AGO3: variants seen among roughly 807,000 people sequenced by gnomAD.
AGO3 encodes the protein argonaute RISC catalytic component 3.
AGO3 carries 16 observed loss-of-function variants against 105.5 expected under a neutral mutation model. The ratio of observed to expected loss-of-function variants is 0.15; its 90% CI spans 0.10 to 0.23. The LOEUF (loss-of-function observed/expected upper bound fraction) is 0.23, where lower values mean the gene tolerates loss of function less well. Ranked by LOEUF, AGO3 falls within the 10% of genes least tolerant of loss-of-function variation. The pLI is 1.00. For missense variants in AGO3, 534 were observed against 1,088.0 expected, an observed-to-expected ratio of 0.49 and a Z score of 7.16; for synonymous variants, 340 against 367.3, an observed-to-expected ratio of 0.93 and a Z score of 0.85.
chr1:35,989,860 C>CCTTT (rs1647450684), intron 5 of AGO3, among the ~76,000 whole-genome samples: 1 of 151,722 alleles, frequency 6.6e-6, no homozygotes, highest in African/African-American at 2.4e-5. Flanking sequence ...GGTGACAGAA[C>CCTTT]AAGACCCTGT....
chr1:36,040,420 T>C lies in AGO3; in HGVS notation c.2151T>C (p.Phe717=), dbSNP rs1431771268. Residue 717 remains phenylalanine (F), a synonymous_variant, in exon 16 of 19, where the codon TTT becomes TTC. Coordinates refer to ENST00000373191, the MANE Select transcript of AGO3 (RefSeq NM_024852.4). ...VVQKRHHTRL[F]CADRTERVGR... is the part of the protein sequence containing the mutation. Reference sequence around the variant, plus strand: ...AGAAGAGACATCACACTCGATTATTTTGTGCTGATAGGACAGAAAGGGTAA... The same window carrying C: ...AGAAGAGACATCACACTCGATTATTCTGTGCTGATAGGACAGAAAGGGTAA... 6.2e-7 allele frequency: 1 copy of C among 1,614,010 alleles called. No individual in the cohort carries two copies. Among genetic ancestry groups the C allele is most frequent in the Admixed American group, 1.7e-5 (1 of 60,018 alleles).
At chr1:35,988,573 C>T (rs373091454) in intron 5 of AGO3, among the ~76,000 whole-genome samples, 2 of 151,666 alleles carry the variant, frequency 1.3e-5, no homozygotes, top group East Asian at 3.9e-4. Flanking sequence ...ACATAATATC[C>T]TCCAGGTTCA....
At chr1:35,960,439 C>T (rs1571434395) in intron 2 of AGO3, among the ~76,000 whole-genome samples, 1 of 151,986 alleles carries the variant, frequency 6.6e-6, no homozygotes, top group Non-Finnish European at 1.5e-5. Flanking sequence ...GTGATCACAT[C>T]ACTGCACTCA....
At chr1:35,957,804 GC>G (rs1417644746) in intron 2 of AGO3, among the ~76,000 whole-genome samples, 1 of 152,210 alleles carries the variant, frequency 6.6e-6, no homozygotes, top group Non-Finnish European at 1.5e-5. Context: ...CACATGTGAG[GC>G]CTGTAATTCC....
chr1:36,014,383 C>T (rs1238445978), intron 11 of AGO3, among the ~76,000 whole-genome samples: 7 of 151,736 alleles, frequency 4.6e-5, no homozygotes, highest in Non-Finnish European at 1.0e-4. Flanking sequence ...GTCTCAAACT[C>T]CTGACCTCAG....
chr1:36,014,093 G>A (rs1345325081), intron 11 of AGO3, 45 bp downstream of exon 11: 1 of 1,611,396 alleles, frequency 6.2e-7, no homozygotes, highest in Non-Finnish European at 8.5e-7. Flanking sequence ...TTTGTGTTTA[G>A]ACTTTAAATT....
chr1:35,978,800 T>A (rs1646997969), intron 5 of AGO3, among the ~76,000 whole-genome samples: 1 of 152,228 alleles, frequency 6.6e-6, no homozygotes, highest in Non-Finnish European at 1.5e-5. Context: ...TAGTAACATG[T>A]ACTTTCATTT....
At chr1:35,946,157 C>T (rs551604900) in intron 2 of AGO3, among the ~76,000 whole-genome samples, 1 of 152,180 alleles carries the variant, frequency 6.6e-6, no homozygotes, top group Non-Finnish European at 1.5e-5. Context: ...ATTTTCCTTG[C>T]TGTTAGGTAA....
intron 3 of AGO3, among the ~76,000 whole-genome samples, chr1:35,970,074 C>T (rs57734880): frequency 0.052 from 7,925 of 152,178 alleles, 684 homozygotes; most frequent in African/African-American, 0.18. Context: ...TATGTTTTCT[C>T]TGCTGCAGTC....
At chr1:36,046,131 G>T (rs771629978) in intron 17 of AGO3, among the ~76,000 whole-genome samples, 4 of 152,176 alleles carry the variant, frequency 2.6e-5, no homozygotes, top group Non-Finnish European at 5.9e-5. Flanking sequence ...ATCTTGGGGA[G>T]TTGCCTGGAG....
At chr1:36,013,561 G>A (rs1453880159) in intron 9 of AGO3, 69 bp from the exon 10 acceptor site, 2 of 1,588,446 alleles carry the variant, frequency 1.3e-6, no homozygotes, top group African/African-American at 2.7e-5. Context: ...AAAAAAGAGG[G>A]TTCTAATGCA....
chr1:36,050,791 CAA>C (rs566050744), intron 17 of AGO3, among the ~76,000 whole-genome samples: 44 of 85,820 alleles, frequency 5.1e-4, no homozygotes, highest in Admixed American at 9.3e-4. Context: ...GACTCTATCT[CAA>C]AAAAAAAAAA....
Position 35,931,331 on chromosome 1 carries a change from T to G in AGO3, c.-96T>G, listed in dbSNP as rs1646042498. The G allele has an allele frequency of 1.7e-6, 2 of 1,194,116 alleles. No homozygotes were observed. Among genetic ancestry groups the G allele is most frequent in the Non-Finnish European group, 1.1e-6 (1 of 905,382 alleles). 74.0% of individuals were successfully genotyped at this position (1,194,116 alleles called of 1,614,324 possible). ...CCCCCGCCTCGGGGCCGAGTGAGAGTGCCCGTCGCGTCGCGCCGCGTCGCC... is the reference window on the plus strand; with the variant it reads ...CCCCCGCCTCGGGGCCGAGTGAGAGGGCCCGTCGCGTCGCGCCGCGTCGCC... On this transcript the variant is annotated 5_prime_UTR_variant, in exon 1 of 19. Transcript: ENST00000373191.
chr1:36,003,709 A>ATATATATATAT (rs1553165851), intron 5 of AGO3, among the ~76,000 whole-genome samples: 1 of 99,436 alleles, frequency 1.0e-5, no homozygotes, highest in African/African-American at 4.0e-5. Flanking sequence ...AAAAAAAAAA[A>ATATATATATAT]ATATATATAT....
intron 17 of AGO3, among the ~76,000 whole-genome samples, chr1:36,052,621 A>G (rs985339713): frequency 1.3e-5 from 2 of 152,194 alleles, no homozygotes; most frequent in Non-Finnish European, 2.9e-5. Context: ...TACATTATAT[A>G]TGTGTATCAA....
intron 5 of AGO3, among the ~76,000 whole-genome samples, chr1:35,986,414 C>T (rs984700564): frequency 2.6e-5 from 4 of 152,224 alleles, no homozygotes; most frequent in African/African-American, 9.6e-5. Flanking sequence ...TGTACCCAGA[C>T]ATCATGGCTC....
At chr1:35,965,359 G>A (rs1055654597) in intron 2 of AGO3, among the ~76,000 whole-genome samples, 1 of 151,752 alleles carries the variant, frequency 6.6e-6, no homozygotes, top group African/African-American at 2.4e-5. Flanking sequence ...ACGTGATGGT[G>A]CATGCCTGTA....
intron 1 of AGO3, among the ~76,000 whole-genome samples, chr1:35,936,278 A>G (rs918980488): frequency 6.6e-6 from 1 of 151,896 alleles, no homozygotes; most frequent in Non-Finnish European, 1.5e-5. Context: ...CCAACTATTG[A>G]GATTCAGCAA....
intron 13 of AGO3, among the ~76,000 whole-genome samples, chr1:36,035,298 G>A (rs1462156751): frequency 1.3e-5 from 2 of 152,154 alleles, no homozygotes; most frequent in Non-Finnish European, 2.9e-5. Flanking sequence ...TACTCCAGAG[G>A]CTGAGGTGGG....
Sources: allele counts gnomAD v4.1 joint callset (sites outside exome capture counted in the v4.1 genomes callset), GRCh38; gene constraint gnomAD v4.1.1; transcripts MANE v1.5; gene names NCBI Gene and HGNC (gene_info 2026-07-23, HGNC 2026-07-21).